LEPR: variants seen among roughly 807,000 people sequenced by gnomAD.
LEPR encodes the protein OB receptor.
In LEPR, 56 loss-of-function variants were observed where a neutral mutation model predicts 114.7. That is an observed-to-expected ratio of 0.49 (90% CI 0.39 to 0.61). The LOEUF (loss-of-function observed/expected upper bound fraction) is 0.61. Among genes scored for constraint, LEPR ranks in the 20% least tolerant of loss-of-function variants. The pLI is 0.00. For synonymous variants in LEPR, 443 were observed against 461.4 expected, an observed-to-expected ratio of 0.96 and a Z score of 0.51; for missense variants, 1,202 against 1,352.9, an observed-to-expected ratio of 0.89 and a Z score of 1.75.
rs913721975 is a variant in LEPR, at chr1:65,636,486, T to C, written c.2969T>C (p.Ile990Thr). 9.4e-5 allele frequency: 152 copies of C among 1,613,980 alleles called. No homozygotes were observed. The highest frequency in any genetic ancestry group is 1.3e-4 in the Non-Finnish European group (150 of 1,180,014). ...RQPFVKYATLISNSKPSETGE... is the reference protein window; with the variant it reads ...RQPFVKYATLTSNSKPSETGE... ...CCCTTTGTTAAATACGCCACGCTGA[T>C]CAGCAACTCTAAACCAAGTGAAACT... Residue 990 changes from isoleucine (I) to threonine (T), a missense_variant, in exon 20 of 20, where the codon ATC becomes ACC. By Grantham distance (89) the Ile-to-Thr change is moderately conservative (BLOSUM62 -1). Transcript: ENST00000349533.
At chr1:65,620,689 T>C (rs1657827150) in intron 17 of LEPR, among the ~76,000 whole-genome samples, 1 of 152,148 alleles carries the variant, frequency 6.6e-6, no homozygotes, top group Non-Finnish European at 1.5e-5. Flanking sequence ...ATATAGTCAA[T>C]AGATTCTTGG....
chr1:65,544,645 G>A (rs1225264229), intron 2 of LEPR, among the ~76,000 whole-genome samples: 1 of 151,210 alleles, frequency 6.6e-6, no homozygotes, highest in Non-Finnish European at 1.5e-5. Flanking sequence ...TTTTTAGCAT[G>A]AAGCAGTGTT....
chr1:65,614,767 C>T (rs1326123017), intron 14 of LEPR, among the ~76,000 whole-genome samples: 1 of 152,116 alleles, frequency 6.6e-6, no homozygotes, highest in Non-Finnish European at 1.5e-5. Context: ...GTTTAGGATA[C>T]ATGTACATTT....
chr1:65,528,465 T>A (rs1230996702), intron 2 of LEPR, among the ~76,000 whole-genome samples: 7 of 152,176 alleles, frequency 4.6e-5, no homozygotes, highest in African/African-American at 1.4e-4. Flanking sequence ...AGTCTTGCTA[T>A]GTTGCCCAGG....
rs567236882 is a variant in LEPR, at chr1:65,548,325, T to C, written c.-20-17221T>C. On this transcript the variant is annotated intron_variant, in intron 2 of 19. Transcript: ENST00000349533. ...GAGTTCTGTAGATGTCTATTAGGTC[T>C]GCTTGGTGCAGAGGTGAGTTCAATT... is the stretch of plus-strand genomic sequence containing the variant. Among the ~76,000 whole-genome samples, 655 of 152,276 alleles carry C rather than the reference T, an allele frequency of 4.3e-3. 3 individuals are homozygous for C. The highest frequency in any genetic ancestry group is 6.8e-3 in the Middle Eastern group (2 of 294).
At chr1:65,463,320 A>T (rs901434642) in intron 2 of LEPR, among the ~76,000 whole-genome samples, 2 of 152,090 alleles carry the variant, frequency 1.3e-5, no homozygotes, top group South Asian at 2.1e-4. Flanking sequence ...TTTGTCAAAG[A>T]TCAGATGGTT....
At chr1:65,570,280 T>A (rs1654062527) in intron 3 of LEPR, among the ~76,000 whole-genome samples, 193 bp from the exon 4 acceptor site, 1 of 152,220 alleles carries the variant, frequency 6.6e-6, no homozygotes, top group Non-Finnish European at 1.5e-5. Context: ...GAGTAATTTC[T>A]ACAAATGAAT....
At position 65,572,579 on chromosome 1, in the gene LEPR, G is replaced by A. The variant is rs567793165; in HGVS notation, c.494+130G>A. On this transcript the variant is annotated intron_variant, in intron 5 of 19. Coordinates refer to ENST00000349533, the MANE Select transcript of LEPR (RefSeq NM_002303.6). ...ATTATATGTTTTATTTTTTAATATA[G>A]CATTCTGCTCTGTTAGGTTTCCTCT... The A allele has an allele frequency of 9.9e-4, 973 of 978,918 alleles. 4 individuals are homozygous for A. The highest frequency in any genetic ancestry group is 1.3e-3 in the Non-Finnish European group (860 of 686,110). The allele number at this position is 978,918 out of a possible 1,614,324, so 60.6% of individuals were successfully genotyped here.
intron 2 of LEPR, among the ~76,000 whole-genome samples, chr1:65,530,111 C>T (rs960340077): frequency 6.6e-6 from 1 of 152,188 alleles, no homozygotes; most frequent in Non-Finnish European, 1.5e-5. Flanking sequence ...TTCAAATTCT[C>T]CACATGGAAT....
At chr1:65,568,412 T>C (rs1383078395) in intron 3 of LEPR, among the ~76,000 whole-genome samples, 5 of 152,182 alleles carry the variant, frequency 3.3e-5, no homozygotes, top group Non-Finnish European at 5.9e-5. Flanking sequence ...TTATTTCACT[T>C]AGAATAATGG....
intron 7 of LEPR, 28 bp downstream of exon 7, chr1:65,596,621 A>T: frequency 6.2e-7 from 1 of 1,602,846 alleles, no homozygotes; most frequent in Non-Finnish European, 8.5e-7. Context: ...AGTAAAAGGA[A>T]AAGTTGAGAA....
At chr1:65,485,611 ACTCT>A (rs149629398) in intron 2 of LEPR, among the ~76,000 whole-genome samples, 7 of 150,080 alleles carry the variant, frequency 4.7e-5, no homozygotes, top group South Asian at 4.2e-4. Context: ...AGACACACAA[ACTCT>A]CTCTCTCTCT....
intron 11 of LEPR, 45 bp from the exon 12 acceptor site, chr1:65,608,708 A>T: frequency 6.3e-7 from 1 of 1,582,602 alleles, no homozygotes; most frequent in Non-Finnish European, 8.6e-7. Context: ...AGGCATTATT[A>T]CTATTTAAAT....
rs1170531470 is a variant in LEPR at position 65,570,737 on chromosome 1, G to T, written c.305G>T (p.Cys102Phe). Reference sequence around the variant, plus strand: ...GAGCAAGATAGAAACTGCTCCTTATGTGCAGACAACATTGAAGGAAAGACA... The same window carrying T: ...GAGCAAGATAGAAACTGCTCCTTATTTGCAGACAACATTGAAGGAAAGACA... The part of the protein sequence containing the change: ...RSEQDRNCSL[C>F]ADNIEGKTFV... The change falls in exon 4 of 20, where the codon TGT becomes TTT. Residue 102 changes from cysteine to phenylalanine, a missense_variant. Transcript: ENST00000349533. 3.1e-6 allele frequency: 5 copies of T among 1,601,034 alleles called. No individual in the cohort carries two copies. The highest frequency in any genetic ancestry group is 4.3e-6 in the Non-Finnish European group (5 of 1,171,900).
At chr1:65,626,365 A>G in intron 19 of LEPR, 3 of 1,219,148 alleles carry the variant, frequency 2.5e-6, no homozygotes, top group Non-Finnish European at 3.1e-6. Context: ...TCTTATTTGT[A>G]GGACTGATTT....
At chr1:65,550,215 C>G (rs1467456283) in intron 2 of LEPR, among the ~76,000 whole-genome samples, 2 of 152,180 alleles carry the variant, frequency 1.3e-5, no homozygotes, top group African/African-American at 4.8e-5. Context: ...AGGTGTCGGT[C>G]TGCCCCTACT....
intron 2 of LEPR, among the ~76,000 whole-genome samples, chr1:65,481,699 T>C (rs910790824): frequency 6.6e-6 from 1 of 151,676 alleles, no homozygotes. Flanking sequence ...CAGCAATATG[T>C]ATAGGAATTA....
At chr1:65,452,858 C>G (rs1646806745) in intron 2 of LEPR, among the ~76,000 whole-genome samples, 1 of 152,086 alleles carries the variant, frequency 6.6e-6, no homozygotes, top group Non-Finnish European at 1.5e-5. Flanking sequence ...GGAATGGTAC[C>G]AGTTCCTCCT....
intron 12 of LEPR, 28 bp from the exon 13 acceptor site, chr1:65,609,919 C>A: frequency 6.2e-7 from 1 of 1,613,966 alleles, no homozygotes; most frequent in Non-Finnish European, 8.5e-7. Context: ...TGGTAATGAT[C>A]AATCTAATGC....
Sources: allele counts gnomAD v4.1 joint callset (sites outside exome capture counted in the v4.1 genomes callset), GRCh38; gene constraint gnomAD v4.1.1; transcripts MANE v1.5; gene names NCBI Gene and HGNC (gene_info 2026-07-23, HGNC 2026-07-21).